GPBP1L1: variants seen among roughly 807,000 people sequenced by gnomAD.
GPBP1L1 encodes the protein GC-rich promoter binding protein 1 like 1.
In GPBP1L1, 23 loss-of-function variants were observed where a neutral mutation model predicts 52.5. The observed-to-expected ratio is 0.44, with a 90% CI of 0.32 to 0.62. The LOEUF (loss-of-function observed/expected upper bound fraction) is 0.62. GPBP1L1 is among the 20% of genes least tolerant of loss of function. GPBP1L1 has a pLI of 0.06. For synonymous variants in GPBP1L1, 243 were observed against 203.1 expected (o/e 1.20, Z -1.67); for missense variants, 596 against 579.3 (o/e 1.03, Z -0.30).
intron 2 of GPBP1L1, among the ~76,000 whole-genome samples, chr1:45,661,785 A>T (rs1430210915): frequency 6.6e-6 from 1 of 152,138 alleles, no homozygotes; most frequent in Non-Finnish European, 1.5e-5. Flanking sequence ...AAGCACATGT[A>T]ATCTCAACAC....
intron 8 of GPBP1L1, chr1:45,634,592 T>C (rs1352827543): frequency 5.9e-6 from 1 of 169,484 alleles, no homozygotes; most frequent in East Asian, 1.6e-4. Flanking sequence ...GAGGCAGTTA[T>C]GCAGCATTTT....
chr1:45,639,724 A>C (rs1353714869), intron 8 of GPBP1L1, among the ~76,000 whole-genome samples: 1 of 152,022 alleles, frequency 6.6e-6, no homozygotes, highest in African/African-American at 2.4e-5. Context: ...AAAAATACAA[A>C]AAAACACCGA....
At chr1:45,684,713 T>C (rs115034210) in intron 2 of GPBP1L1, among the ~76,000 whole-genome samples, 2,073 of 152,246 alleles carry the variant, frequency 0.014, 23 homozygotes, top group Non-Finnish European at 0.022. Context: ...TCCAGTTTAG[T>C]AGTTAACAGT....
At chr1:45,680,395 T>C (rs190057553) in intron 2 of GPBP1L1, among the ~76,000 whole-genome samples, 134 of 152,044 alleles carry the variant, frequency 8.8e-4, no homozygotes, top group Middle Eastern at 3.4e-3. Context: ...TTCACCACCA[T>C]GCCCGGCTAA....
chr1:45,648,115 T>G (rs1224359255), intron 6 of GPBP1L1, among the ~76,000 whole-genome samples: 5 of 152,092 alleles, frequency 3.3e-5, no homozygotes, highest in Admixed American at 6.6e-5. Flanking sequence ...ATTTTTAAAT[T>G]TTTTGTAGAG....
At chr1:45,652,654 T>C (rs772273009) in intron 6 of GPBP1L1, among the ~76,000 whole-genome samples, 12 of 152,198 alleles carry the variant, frequency 7.9e-5, no homozygotes, top group Non-Finnish European at 1.6e-4. Context: ...TATGGGTTTA[T>C]TTAATCATAG....
chr1:45,656,495 C>T (rs1270069380), intron 4 of GPBP1L1, among the ~76,000 whole-genome samples: 1 of 152,120 alleles, frequency 6.6e-6, no homozygotes, highest in African/African-American at 2.4e-5. Context: ...AGCTTTTTAA[C>T]TTATGTTCCA....
At chr1:45,687,238 T>A (rs901036963), upstream of GPBP1L1, 1 of 152,300 alleles carries the variant, frequency 6.6e-6, no homozygotes, top group African/African-American at 2.4e-5. Flanking sequence ...AGCCTGCGCT[T>A]GCGACAGTGC....
intron 2 of GPBP1L1, among the ~76,000 whole-genome samples, chr1:45,671,982 G>A (rs540770521): frequency 1.1e-4 from 16 of 152,158 alleles, no homozygotes; most frequent in Admixed American, 2.0e-4. Context: ...TCATGAGCAC[G>A]GTCAACTTCT....
At chr1:45,660,087 T>C in intron 3 of GPBP1L1, 97 bp downstream of exon 3, 10 of 711,940 alleles carry the variant, frequency 1.4e-5, no homozygotes, top group Non-Finnish European at 1.7e-5. Flanking sequence ...CCCACTGATA[T>C]TCTCCAAAAT....
rs1353893041 is a variant in GPBP1L1, at chr1:45,672,460, T to C, written c.-1097-11235A>G. 2.0e-5 allele frequency among the ~76,000 whole-genome samples: 3 copies of C among 152,208 alleles called. No homozygotes were observed. In the East Asian group the frequency reaches 5.8e-4, roughly 29 times the overall value. On this transcript the variant is annotated intron_variant, in intron 2 of 12. Coordinates refer to ENST00000355105, the MANE Select transcript of GPBP1L1 (RefSeq NM_021639.5). Reference sequence around the variant, plus strand: ...TGGCATAAATTATATCCAGCAACCTTGCTAAACTCTCATTAATTCTAATAA... The same window carrying C: ...TGGCATAAATTATATCCAGCAACCTCGCTAAACTCTCATTAATTCTAATAA...
chr1:45,630,737 TC>T, intron 10 of GPBP1L1, 131 bp from the exon 11 acceptor site: 2 of 1,008,222 alleles, frequency 2.0e-6, no homozygotes, highest in South Asian at 1.7e-5. Context: ...CAGATTTTTT[TC>T]CCCATTTACA....
chr1:45,660,129 A>G (rs1644931396), intron 3 of GPBP1L1, 55 bp downstream of exon 3: 1 of 935,824 alleles, frequency 1.1e-6, no homozygotes, highest in African/African-American at 1.8e-5. Context: ...GGTATTTTTC[A>G]TGATGCATAT....
At chr1:45,643,434 T>G (rs1489385671) in intron 6 of GPBP1L1, among the ~76,000 whole-genome samples, 2 of 152,132 alleles carry the variant, frequency 1.3e-5, no homozygotes, top group Non-Finnish European at 1.5e-5. Context: ...GTCACTCTAG[T>G]AGCAGCTTAA....
chr1:45,659,420 ACTC>A (rs1644921061), intron 3 of GPBP1L1, among the ~76,000 whole-genome samples: 2 of 151,684 alleles, frequency 1.3e-5, no homozygotes, highest in Non-Finnish European at 2.9e-5. Context: ...CTGATCTTGA[ACTC>A]CTGGCCTCAA....
intron 12 of GPBP1L1, among the ~76,000 whole-genome samples, chr1:45,629,265 C>T (rs1187191338): frequency 6.6e-6 from 1 of 152,226 alleles, no homozygotes; most frequent in Non-Finnish European, 1.5e-5. Flanking sequence ...TCCTTAAAGA[C>T]CAAGAGCTCA....
At chr1:45,652,947 AAAT>A (rs562905839) in intron 6 of GPBP1L1, among the ~76,000 whole-genome samples, 99 of 152,328 alleles carry the variant, frequency 6.5e-4, no homozygotes, top group African/African-American at 2.2e-3. Flanking sequence ...TTTGCTGTAT[AAAT>A]AATAAAGATT....
At chr1:45,646,703 G>A (rs774242957) in intron 6 of GPBP1L1, among the ~76,000 whole-genome samples, 1 of 151,810 alleles carries the variant, frequency 6.6e-6, no homozygotes, top group Non-Finnish European at 1.5e-5. Context: ...GACTACAGGC[G>A]CCCGCCACCA....
intron 10 of GPBP1L1, 49 bp from the exon 11 acceptor site, chr1:45,630,655 G>A: frequency 6.3e-7 from 1 of 1,598,734 alleles, no homozygotes; most frequent in Non-Finnish European, 8.5e-7. Flanking sequence ...TTCCTTTGTA[G>A]TAATATAAGC....
Sources: allele counts gnomAD v4.1 joint callset (sites outside exome capture counted in the v4.1 genomes callset), GRCh38; gene constraint gnomAD v4.1.1; transcripts MANE v1.5; gene names NCBI Gene and HGNC (gene_info 2026-07-23, HGNC 2026-07-21).